KLHL1: variants seen among roughly 807,000 people sequenced by gnomAD.
KLHL1 encodes kelch like family member 1, also known as kelch-like protein 1.
A neutral mutation model predicts 77.7 loss-of-function variants in KLHL1; 47 were observed. The observed-to-expected ratio is 0.60, with a 90% CI of 0.48 to 0.77. KLHL1 has a LOEUF of 0.77. KLHL1 is among the 30% of genes least tolerant of loss of function. The pLI, the probability that KLHL1 is intolerant of heterozygous loss-of-function variation, is 0.00. For missense variants in KLHL1, 925 were observed against 910.8 expected, an observed-to-expected ratio of 1.02 and a Z score of -0.20; for synonymous variants, 360 against 325.2, an observed-to-expected ratio of 1.11 and a Z score of -1.15.
chr13:70,084,534 C>T (rs1173613926), intron 1 of KLHL1, among the ~76,000 whole-genome samples: 1 of 130,556 alleles, frequency 7.7e-6, no homozygotes, highest in Non-Finnish European at 1.5e-5. Context: ...TCTCTGCTCA[C>T]TGCAAGCTCC....
At chr13:69,929,974 G>A (rs2138279719) in intron 4 of KLHL1, among the ~76,000 whole-genome samples, 1 of 151,884 alleles carries the variant, frequency 6.6e-6, no homozygotes, top group African/African-American at 2.4e-5. Flanking sequence ...GTGTTATCCT[G>A]CTCGCTCCAG....
chr13:69,901,738 T>C (rs1053206399), intron 4 of KLHL1, among the ~76,000 whole-genome samples: 3 of 151,916 alleles, frequency 2.0e-5, no homozygotes, highest in Non-Finnish European at 1.5e-5. Context: ...GTTTAGGAGA[T>C]AGTTAACATA....
intron 1 of KLHL1, among the ~76,000 whole-genome samples, chr13:69,977,664 T>C (rs1187706400): frequency 6.6e-6 from 1 of 152,104 alleles, no homozygotes; most frequent in African/African-American, 2.4e-5. Context: ...TAAACACGTT[T>C]TAATCGTATA....
chr13:69,888,237 T>C (rs918797038), intron 4 of KLHL1, among the ~76,000 whole-genome samples: 1 of 152,176 alleles, frequency 6.6e-6, no homozygotes, highest in African/African-American at 2.4e-5. Context: ...TACCTCACAA[T>C]GTCCTCCAGC....
Position 69,859,970 on chromosome 13 carries a change from A to C in KLHL1, c.1228-20808T>G, listed in dbSNP as rs151196414. 3.5e-3 allele frequency among the ~76,000 whole-genome samples: 538 copies of C among 152,200 alleles called. 4 individuals carry two copies. The highest frequency in any genetic ancestry group is 0.013 in the African/African-American group (520 of 41,558). Reference sequence around the variant, plus strand: ...CAATCTATCATCTGAAGGCCTAAACAACAACTATTTAGTATGATACCATCC... The same window carrying C: ...CAATCTATCATCTGAAGGCCTAAACCACAACTATTTAGTATGATACCATCC... On this transcript the variant is annotated intron_variant, in intron 5 of 10. Coordinates refer to ENST00000377844, the MANE Select transcript of KLHL1 (RefSeq NM_020866.3).
intron 1 of KLHL1, among the ~76,000 whole-genome samples, chr13:69,995,608 A>G (rs1042100907): frequency 2.0e-5 from 3 of 152,172 alleles, no homozygotes; most frequent in Non-Finnish European, 4.4e-5. Flanking sequence ...CAAGCATTAG[A>G]TATTGGAAAA....
intron 3 of KLHL1, among the ~76,000 whole-genome samples, chr13:69,942,733 C>T (rs564089264): frequency 6.6e-6 from 1 of 152,236 alleles, no homozygotes; most frequent in South Asian, 2.1e-4. Flanking sequence ...TTTCAGCCAT[C>T]ACATGTCACC....
rs1566243688 is a variant in KLHL1, at chr13:69,780,713, TATGTATATATATATATATAC to T, written c.1639+16005_1639+16024del. Among the ~76,000 whole-genome samples, 237 of 32,866 alleles carry T rather than the reference TATGTATATATATATATATAC, an allele frequency of 7.2e-3. 7 individuals carry two copies. Among genetic ancestry groups the T allele is most frequent in the South Asian group, 0.03 (25 of 846 alleles). 21.6% of individuals were successfully genotyped at this position (32,866 alleles called of 152,430 possible). A position where few individuals can be genotyped will look rare whatever the true frequency, so the allele number is the denominator to read the frequency against. ...ATATATATATATATGTATATATATA[TATGTATATATATATATATAC>T]ATATATATATACATATATATATATA... On this transcript the variant is annotated intron_variant, in intron 7 of 10. Transcript: ENST00000377844.
At chr13:70,107,128 T>C in intron 1 of KLHL1, 75 bp downstream of exon 1, 11 of 1,515,434 alleles carry the variant, frequency 7.3e-6, no homozygotes, top group South Asian at 1.3e-5. Context: ...TTAGACTTAG[T>C]AGCCACATGA....
At chr13:69,926,871 T>C (rs1882831309) in intron 4 of KLHL1, among the ~76,000 whole-genome samples, 1 of 128,562 alleles carries the variant, frequency 7.8e-6, no homozygotes, top group African/African-American at 2.9e-5. Context: ...GGCGTGAACC[T>C]GGGAGGCAGA....
chr13:69,816,407 T>A (rs948355885), intron 6 of KLHL1, among the ~76,000 whole-genome samples: 2 of 151,650 alleles, frequency 1.3e-5, no homozygotes, highest in African/African-American at 4.8e-5. Flanking sequence ...ATTACAGGCA[T>A]GTGCCGCCAC....
chr13:69,911,175 A>T (rs1208741608), intron 4 of KLHL1, among the ~76,000 whole-genome samples: 2 of 151,934 alleles, frequency 1.3e-5, no homozygotes, highest in African/African-American at 4.8e-5. Context: ...TCCATTCCAA[A>T]ATTATTCACA....
chr13:70,061,927 T>C lies in KLHL1; in HGVS notation c.497+45276A>G, dbSNP rs532206779. Reference sequence around the variant, plus strand: ...CAGCATGTATATCAACTCAAACATTTTTCACTTCTTCATGTTATGAACATT... The same window carrying C: ...CAGCATGTATATCAACTCAAACATTCTTCACTTCTTCATGTTATGAACATT... On this transcript the variant is annotated intron_variant, in intron 1 of 10. Coordinates refer to ENST00000377844, the MANE Select transcript of KLHL1 (RefSeq NM_020866.3). Among the ~76,000 whole-genome samples, 3 of 152,306 alleles carry C rather than the reference T, an allele frequency of 2.0e-5. No individual in the cohort carries two copies. In the South Asian group the frequency reaches 6.2e-4, roughly 32 times the overall value.
At chr13:69,720,075 T>C (rs781655196) in intron 8 of KLHL1, among the ~76,000 whole-genome samples, 24 of 152,182 alleles carry the variant, frequency 1.6e-4, no homozygotes, top group Non-Finnish European at 3.4e-4. Context: ...AAAAGTATTA[T>C]CTTAACAACA....
chr13:69,950,147 G>A (rs145345175), intron 3 of KLHL1, among the ~76,000 whole-genome samples: 1,562 of 151,712 alleles, frequency 0.01, 27 homozygotes, highest in African/African-American at 0.035. Context: ...AGAAAAGTCA[G>A]AAAAGGCTAT....
chr13:69,902,495 T>A lies in KLHL1; in HGVS notation c.1015-20000A>T, dbSNP rs1481696062. The stretch of plus-strand genomic sequence containing the variant: ...GTAAATAGTGAAGAATTAAAATAAT[T>A]TTGGAGAACTACAGTACTGAAAGAG... On this transcript the variant is annotated intron_variant, in intron 4 of 10. Transcript: ENST00000377844. Among the ~76,000 whole-genome samples the A allele has an allele frequency of 2.6e-5, 4 of 152,052 alleles. No homozygotes were observed. The East Asian group carries it at 7.7e-4, about 29-fold the overall frequency.
chr13:69,833,772 C>T (rs1253874689), intron 6 of KLHL1, among the ~76,000 whole-genome samples: 10 of 146,538 alleles, frequency 6.8e-5, no homozygotes, highest in African/African-American at 2.6e-4. Flanking sequence ...TATATACATA[C>T]ATACATACAT....
chr13:69,884,941 T>C (rs1881147993), intron 4 of KLHL1, among the ~76,000 whole-genome samples: 1 of 144,154 alleles, frequency 6.9e-6, no homozygotes. Context: ...TTTCTTTTTT[T>C]TTTTTTTTTT....
chr13:70,105,989 A>G lies in KLHL1; in HGVS notation c.497+1214T>C, dbSNP rs139507472. 2.0e-5 allele frequency among the ~76,000 whole-genome samples: 3 copies of G among 150,752 alleles called. No homozygotes were observed. In the East Asian group the frequency reaches 5.9e-4, roughly 30 times the overall value. ...TCTCTGAAAATTAAAATTAAAAAAT[A>G]TATATAATGTATATAATTGAAAATT... On this transcript the variant is annotated intron_variant, in intron 1 of 10. Coordinates refer to ENST00000377844, the MANE Select transcript of KLHL1 (RefSeq NM_020866.3).
Sources: gnomAD v4.1 joint callset for allele counts (sites outside exome capture counted in the v4.1 genomes callset) on GRCh38, gnomAD v4.1.1 for gene constraint, MANE v1.5 for transcripts, NCBI Gene and HGNC (gene_info 2026-07-23, HGNC 2026-07-21) for gene names.